RAB21: variants seen among roughly 807,000 people sequenced by gnomAD.
RAB21 encodes ras-related protein Rab-21.
Under a neutral mutation model 33.1 loss-of-function variants are expected in RAB21, and 13 were observed. That is an observed-to-expected ratio of 0.39 (90% CI 0.26 to 0.62). RAB21 has a LOEUF of 0.62. Ranked by LOEUF, RAB21 falls within the 20% of genes least tolerant of loss-of-function variation. The probability of loss-of-function intolerance (pLI) is 0.48; values close to 1 mark genes in which losing one functional copy is unlikely to be tolerated. For missense variants in RAB21, 234 were observed against 279.1 expected (o/e 0.84, Z 1.15); for synonymous variants, 91 against 103.7 (o/e 0.88, Z 0.74).
Position 71,785,757 on chromosome 12 carries a change from A to G in RAB21, c.*84A>G, listed in dbSNP as rs1883275944. ...TGAAGACTGCCATATTCCAAGTCAC[A>G]TTATTTTACCAATGGAATTATAGAA... On this transcript the variant is annotated 3_prime_UTR_variant, in exon 7 of 7. Transcript: ENST00000261263. The G allele has an allele frequency of 6.8e-7, 1 of 1,472,854 alleles. No homozygotes were observed. Among genetic ancestry groups the G allele is most frequent in the Non-Finnish European group, 9.4e-7 (1 of 1,064,682 alleles). The allele number at this position is 1,472,854 out of a possible 1,614,324, so 91.2% of individuals were successfully genotyped here. A position where few individuals can be genotyped will look rare whatever the true frequency, so the allele number is the denominator to read the frequency against.
intron 1 of RAB21, among the ~76,000 whole-genome samples, chr12:71,767,396 T>C (rs546680145): frequency 6.6e-6 from 1 of 152,258 alleles, no homozygotes; most frequent in East Asian, 1.9e-4. Flanking sequence ...CAAAAGGTTA[T>C]GATATTAGCT....
At chr12:71,785,385 T>C (rs1448190072) in intron 6 of RAB21, 146 bp from the exon 7 acceptor site, 4 of 896,118 alleles carry the variant, frequency 4.5e-6, no homozygotes, top group Non-Finnish European at 6.7e-6. Flanking sequence ...TGAAGCTGTT[T>C]TAGTGAGCTG....
Position 71,782,045 on chromosome 12 carries a change from T to G in RAB21, c.406T>G (p.Leu136Val). Residue 136 changes from leucine to valine, a missense_variant, in exon 5 of 7, where the codon TTG (leucine) becomes GTG (valine). Leu to Val is a conservative substitution (Grantham distance 32). Coordinates refer to ENST00000261263, the MANE Select transcript of RAB21 (RefSeq NM_014999.4). ...CLCIVGNKID[L>V]EKERHVSIQE... ...TTTCAAAATAGGTAATAAAATAGAC[T>G]TGGAAAAGGAGAGACATGTTTCCAT... The G allele has an allele frequency of 6.2e-7, 1 of 1,605,254 alleles. No homozygotes were observed. The highest frequency in any genetic ancestry group is 8.5e-7 in the Non-Finnish European group (1 of 1,172,510).
At position 71,790,340 on chromosome 12, in the gene RAB21, C is replaced by T. The variant is rs328746; in HGVS notation, c.*4667C>T. The T allele has an allele frequency of 3.9e-5, 6 of 151,900 alleles. No homozygotes were observed. Among genetic ancestry groups the T allele is most frequent in the African/African-American group, 7.3e-5 (3 of 41,358 alleles). The allele number at this position is 151,900 out of a possible 1,614,324, so 9.4% of individuals were successfully genotyped here. A position where few individuals can be genotyped will look rare whatever the true frequency, so the allele number is the denominator to read the frequency against. On this transcript the variant is annotated 3_prime_UTR_variant, in exon 7 of 7. Coordinates refer to ENST00000261263, the MANE Select transcript of RAB21 (RefSeq NM_014999.4). ...CAACTGTATCATCTCTTCACTATCACGTATTTTAAGAAAAAGCTAAGGTGA... is the reference window on the plus strand; with the variant it reads ...CAACTGTATCATCTCTTCACTATCATGTATTTTAAGAAAAAGCTAAGGTGA...
rs180983083 is a variant in RAB21, at chr12:71,768,984, T to C, written c.160-816T>C. Among the ~76,000 whole-genome samples the C allele has an allele frequency of 4.9e-3, 742 of 152,248 alleles. 7 individuals are homozygous for C. The highest frequency in any genetic ancestry group is 0.017 in the African/African-American group (707 of 41,536). On this transcript the variant is annotated intron_variant, in intron 1 of 6. Transcript: ENST00000261263. ...GTCTGGTGTCTTAGAACAGGTTTTGTTGAGACCCACAAGGTAAAGTCCATC... is the reference window on the plus strand; with the variant it reads ...GTCTGGTGTCTTAGAACAGGTTTTGCTGAGACCCACAAGGTAAAGTCCATC...
rs11837615 is a variant in RAB21 at position 71,776,771 on chromosome 12, T to C, written c.391+2749T>C. Among the ~76,000 whole-genome samples, 1,158 of 151,928 alleles carry C rather than the reference T, an allele frequency of 7.6e-3. 10 individuals are homozygous for C. The highest frequency in any genetic ancestry group is 0.026 in the African/African-American group (1,072 of 41,418). Reference sequence around the variant, plus strand: ...ACTACTTTTCCCAAACTTATTAGGATAACTTAAAGGATTAAAAAAAAAGTA... The same window carrying C: ...ACTACTTTTCCCAAACTTATTAGGACAACTTAAAGGATTAAAAAAAAAGTA... On this transcript the variant is annotated intron_variant, in intron 4 of 6. Transcript: ENST00000261263.
At chr12:71,769,232 C>CAAA (rs1883005494) in intron 1 of RAB21, among the ~76,000 whole-genome samples, 1 of 152,132 alleles carries the variant, frequency 6.6e-6, no homozygotes, top group Non-Finnish European at 1.5e-5. Context: ...TGGCAAGACC[C>CAAA]TCCATTTTAG....
rs182833484 is a variant in RAB21 at position 71,770,597 on chromosome 12, G to A, written c.225G>A (p.Thr75=). The A allele has an allele frequency of 9.5e-5, 151 of 1,589,570 alleles. 2 individuals carry two copies. In the South Asian group the frequency reaches 1.3e-3, roughly 14 times the overall value. ...GKRVNLAIWD[T]AGQERFHALG... is the part of the protein sequence containing the mutation. ...GCATTTGTTGCTTTCTTTAGGATAC[G>A]GCAGGTCAAGAGAGATTCCATGCAT... The change falls in exon 3 of 7, where the codon ACG becomes ACA. Residue 75 remains threonine (T), a synonymous_variant. Transcript: ENST00000261263.
chr12:71,773,403 G>T (rs1883071829), intron 3 of RAB21, among the ~76,000 whole-genome samples: 1 of 152,164 alleles, frequency 6.6e-6, no homozygotes, highest in Non-Finnish European at 1.5e-5. Context: ...TCACAACAAA[G>T]AATTATCTGT....
chr12:71,769,746 A>C, intron 1 of RAB21, 54 bp from the exon 2 acceptor site: 1 of 947,786 alleles, frequency 1.1e-6, no homozygotes, highest in South Asian at 2.2e-5. Flanking sequence ...AGTTGTTAGG[A>C]TAAAGAACCT....
At chr12:71,759,070 A>G (rs1001481761) in intron 1 of RAB21, among the ~76,000 whole-genome samples, 1 of 152,180 alleles carries the variant, frequency 6.6e-6, no homozygotes, top group Admixed American at 6.5e-5. Flanking sequence ...TATCTCTCAG[A>G]TTCTCTTTTC....
intron 4 of RAB21, among the ~76,000 whole-genome samples, chr12:71,774,512 A>G (rs1883091263): frequency 1.3e-5 from 2 of 151,768 alleles, no homozygotes; most frequent in South Asian, 4.2e-4. Context: ...TGATCCCAGC[A>G]CTTTGGGATG....
In RAB21 at chr12:71,786,700, G is replaced by T. The variant is rs1046189441; in HGVS notation, c.*1027G>T. ...AAGATCATAGCTCCCCTTCACTTCTGTCTTAACTTGAACATGGCGTGTTTA... is the reference window on the plus strand; with the variant it reads ...AAGATCATAGCTCCCCTTCACTTCTTTCTTAACTTGAACATGGCGTGTTTA... On this transcript the variant is annotated 3_prime_UTR_variant, in exon 7 of 7. Transcript: ENST00000261263. The T allele has an allele frequency of 6.6e-6, 1 of 152,574 alleles. No individual in the cohort carries two copies. The highest frequency in any genetic ancestry group is 1.5e-5 in the Non-Finnish European group (1 of 68,036). The allele number at this position is 152,574 out of a possible 1,614,324, so 9.5% of individuals were successfully genotyped here.
chr12:71,783,503 C>T (rs1883233510), intron 6 of RAB21, among the ~76,000 whole-genome samples: 1 of 151,484 alleles, frequency 6.6e-6, no homozygotes, highest in African/African-American at 2.4e-5. Flanking sequence ...TTTTATAAAA[C>T]CCTCAAGTCA....
intron 4 of RAB21, among the ~76,000 whole-genome samples, chr12:71,779,822 C>G (rs537198805): frequency 6.6e-6 from 1 of 152,160 alleles, no homozygotes; most frequent in Admixed American, 6.5e-5. Context: ...TGTTTTAAGC[C>G]TATCAGAAAG....
At chr12:71,782,508 G>A (rs774340918) in intron 5 of RAB21, 62 bp from the exon 6 acceptor site, 56 of 1,163,478 alleles carry the variant, frequency 4.8e-5, no homozygotes, top group Non-Finnish European at 6.6e-5. Flanking sequence ...CTATAAAAAA[G>A]CAGTTAAGAC....
chr12:71,771,228 C>G (rs138467955), intron 3 of RAB21, among the ~76,000 whole-genome samples: 8 of 152,298 alleles, frequency 5.3e-5, no homozygotes, highest in African/African-American at 1.9e-4. Flanking sequence ...CAAAAACACA[C>G]CACATACGTA....
chr12:71,781,008 G>GA (rs1436382583), intron 4 of RAB21, among the ~76,000 whole-genome samples: 1 of 151,900 alleles, frequency 6.6e-6, no homozygotes, highest in Non-Finnish European at 1.5e-5. Context: ...TAAGTTCAAG[G>GA]AATCAGTATT....
chr12:71,784,018 T>G (rs1235165946), intron 6 of RAB21, among the ~76,000 whole-genome samples: 1 of 152,214 alleles, frequency 6.6e-6, no homozygotes, highest in Non-Finnish European at 1.5e-5. Context: ...ATGTACATTT[T>G]AAAACATACC....
Sources: gnomAD v4.1 joint callset for allele counts (sites outside exome capture counted in the v4.1 genomes callset) on GRCh38, gnomAD v4.1.1 for gene constraint, MANE v1.5 for transcripts, NCBI Gene and HGNC (gene_info 2026-07-23, HGNC 2026-07-21) for gene names.